MRTFA: variants seen among roughly 807,000 people sequenced by gnomAD.
MRTFA encodes myocardin-related transcription factor A.
In MRTFA, 20 loss-of-function variants were observed where a neutral mutation model predicts 83.5. The observed-to-expected ratio is 0.24, with a 90% CI of 0.17 to 0.35. MRTFA has a LOEUF of 0.35. MRTFA is among the 10% of genes least tolerant of loss of function. MRTFA has a pLI of 1.00. For synonymous variants in MRTFA, 659 were observed against 541.2 expected, an observed-to-expected ratio of 1.22 and a Z score of -3.02; for missense variants, 1,200 against 1,224.7, an observed-to-expected ratio of 0.98 and a Z score of 0.30.
intron 1 of MRTFA, among the ~76,000 whole-genome samples, chr22:40,631,493 A>G (rs1367210119): frequency 6.6e-6 from 1 of 152,202 alleles, no homozygotes; most frequent in Non-Finnish European, 1.5e-5. Context: ...CACACAGTCC[A>G]AGTTCATACA....
chr22:40,616,836 G>A (rs780019538), intron 1 of MRTFA, among the ~76,000 whole-genome samples: 2 of 152,080 alleles, frequency 1.3e-5, no homozygotes, highest in Non-Finnish European at 2.9e-5. Flanking sequence ...AGTGGCTCAC[G>A]TCTGTAATCC....
rs771264296 is a variant in MRTFA at position 40,483,364 on chromosome 22, CTAAAG to C, written c.242-20083_242-20079del. Among the ~76,000 whole-genome samples, 320 of 150,098 alleles carry C rather than the reference CTAAAG, an allele frequency of 2.1e-3. 2 individuals are homozygous for C. Among genetic ancestry groups the C allele is most frequent in the South Asian group, 4.2e-3 (20 of 4,768 alleles). The stretch of plus-strand genomic sequence containing the variant: ...ACAGGCGTGAGCTACTATGACAGAC[CTAAAG>C]TAATTTTTTTTTTTTTTTTTTAAGA... On this transcript the variant is annotated intron_variant, in intron 3 of 14. Coordinates refer to ENST00000355630, the MANE Select transcript of MRTFA (RefSeq NM_020831.6).
intron 3 of MRTFA, among the ~76,000 whole-genome samples, chr22:40,543,693 A>G (rs2055323945): frequency 6.6e-6 from 1 of 152,272 alleles, no homozygotes; most frequent in Non-Finnish European, 1.5e-5. Flanking sequence ...CATCACAGAG[A>G]AAAATTTTAA....
chr22:40,577,767 C>T (rs564583337), intron 2 of MRTFA, among the ~76,000 whole-genome samples: 25 of 150,658 alleles, frequency 1.7e-4, no homozygotes, highest in African/African-American at 6.1e-4. Context: ...CCACCATGCC[C>T]GGCTAATTTT....
chr22:40,564,999 TAA>T (rs1429867366), intron 2 of MRTFA, among the ~76,000 whole-genome samples: 4 of 152,026 alleles, frequency 2.6e-5, no homozygotes, highest in Admixed American at 2.6e-4. Context: ...TCCTCAGATT[TAA>T]AGACACAAGT....
intron 4 of MRTFA, among the ~76,000 whole-genome samples, chr22:40,440,117 A>G (rs959502853): frequency 6.8e-6 from 1 of 147,448 alleles, no homozygotes; most frequent in African/African-American, 2.5e-5. Flanking sequence ...GCACCACTGC[A>G]CTCCAGCCTG....
chr22:40,614,784 G>T (rs1033989343), intron 1 of MRTFA, among the ~76,000 whole-genome samples: 1 of 152,126 alleles, frequency 6.6e-6, no homozygotes, highest in South Asian at 2.1e-4. Context: ...GCAGCGCCTG[G>T]CCCATAAATA....
At chr22:40,484,106 G>C (rs1000211672) in intron 3 of MRTFA, among the ~76,000 whole-genome samples, 1 of 151,458 alleles carries the variant, frequency 6.6e-6, no homozygotes, top group Middle Eastern at 3.4e-3. Context: ...TAGATAATTA[G>C]ATAGACAAAC....
chr22:40,486,207 G>C (rs188804744), intron 3 of MRTFA, among the ~76,000 whole-genome samples: 51 of 152,232 alleles, frequency 3.4e-4, no homozygotes, highest in Non-Finnish European at 5.6e-4. Context: ...TTATCATCAA[G>C]GCTTCTCCCA....
intron 14 of MRTFA, chr22:40,412,507 G>C (rs1020061335): frequency 5.9e-5 from 9 of 152,172 alleles, no homozygotes; most frequent in African/African-American, 7.2e-5. Context: ...TTGGAAGCAG[G>C]GTCTCAGGTA....
chr22:40,607,127 G>A (rs1350584199), intron 1 of MRTFA, among the ~76,000 whole-genome samples: 1 of 152,140 alleles, frequency 6.6e-6, no homozygotes, highest in Non-Finnish European at 1.5e-5. Flanking sequence ...ACAAGTAACT[G>A]TGCTGGGTGA....
intron 9 of MRTFA, among the ~76,000 whole-genome samples, chr22:40,421,563 G>A (rs1296421370): frequency 1.3e-5 from 2 of 152,118 alleles, no homozygotes; most frequent in Non-Finnish European, 2.9e-5. Flanking sequence ...AATGGTGAAC[G>A]GGCTCAAAGA....
At chr22:40,422,515 C>G (rs1041736757) in intron 9 of MRTFA, among the ~76,000 whole-genome samples, 1 of 152,194 alleles carries the variant, frequency 6.6e-6, no homozygotes, top group African/African-American at 2.4e-5. Flanking sequence ...AGGCAGCACC[C>G]GGGCAGGCAG....
At chr22:40,470,960 C>T (rs565679732) in intron 3 of MRTFA, among the ~76,000 whole-genome samples, 2 of 151,218 alleles carry the variant, frequency 1.3e-5, no homozygotes, top group African/African-American at 4.9e-5. Context: ...AAAAACAAAA[C>T]AAAACAAAAA....
intron 1 of MRTFA, among the ~76,000 whole-genome samples, chr22:40,608,938 TAAAC>T (rs2056351632): frequency 6.6e-6 from 1 of 152,288 alleles, no homozygotes; most frequent in African/African-American, 2.4e-5. Flanking sequence ...TGTTATCAAA[TAAAC>T]AAGTTTTGGT....
intron 3 of MRTFA, among the ~76,000 whole-genome samples, chr22:40,471,137 T>C (rs2053904216): frequency 6.7e-6 from 1 of 148,234 alleles, no homozygotes; most frequent in South Asian, 2.1e-4. Context: ...ATCCCAGCAC[T>C]TTGGGAAGCC....
intron 3 of MRTFA, among the ~76,000 whole-genome samples, chr22:40,508,775 T>C (rs976497883): frequency 1.8e-4 from 27 of 151,662 alleles, no homozygotes; most frequent in Middle Eastern, 3.4e-3. Context: ...CCCAACAATT[T>C]TGGAGGCCAA....
intron 3 of MRTFA, among the ~76,000 whole-genome samples, chr22:40,533,064 C>T (rs1201391741): frequency 3.9e-5 from 6 of 152,180 alleles, no homozygotes; most frequent in African/African-American, 1.4e-4. Flanking sequence ...TTGACTGACT[C>T]TTTGCTCAAA....
intron 2 of MRTFA, among the ~76,000 whole-genome samples, chr22:40,575,770 T>C (rs755888138): frequency 2.0e-5 from 3 of 152,174 alleles, no homozygotes; most frequent in Non-Finnish European, 2.9e-5. Flanking sequence ...GCAAAAGTAA[T>C]TGTGGTTTTT....
Sources: gnomAD v4.1 joint callset for allele counts (sites outside exome capture counted in the v4.1 genomes callset) on GRCh38, gnomAD v4.1.1 for gene constraint, MANE v1.5 for transcripts, NCBI Gene and HGNC (gene_info 2026-07-23, HGNC 2026-07-21) for gene names.